SH3GL3: variants seen among roughly 807,000 people sequenced by gnomAD.
SH3GL3 encodes SH3 domain containing GRB2 like 3, endophilin A3, also known as endophilin-A3.
SH3GL3 carries 33 observed loss-of-function variants against 47.7 expected under a neutral mutation model. The ratio of observed to expected loss-of-function variants is 0.69; its 90% CI spans 0.52 to 0.92. The LOEUF (loss-of-function observed/expected upper bound fraction) is 0.92. Among genes scored for constraint, SH3GL3 ranks in the 40% least tolerant of loss-of-function variants. The probability of loss-of-function intolerance (pLI) is 0.00; values close to 1 mark genes in which losing one functional copy is unlikely to be tolerated. For synonymous variants in SH3GL3, 155 were observed against 148.8 expected (o/e 1.04, Z -0.30); for missense variants, 363 against 417.8 (o/e 0.87, Z 1.14).
At chr15:83,499,395 CAAAAA>C (rs11374002) in intron 1 of SH3GL3, among the ~76,000 whole-genome samples, 1 of 122,068 alleles carries the variant, frequency 8.2e-6, no homozygotes. Flanking sequence ...GACTCCATCT[CAAAAA>C]AAAAAAAAAA....
intron 1 of SH3GL3, among the ~76,000 whole-genome samples, chr15:83,458,048 T>C (rs948529748): frequency 7.9e-5 from 12 of 152,194 alleles, no homozygotes; most frequent in Non-Finnish European, 1.8e-4. Context: ...ATCTCATGTG[T>C]ATTTGGGGAA....
At chr15:83,599,987 T>G (rs1460181604) in intron 8 of SH3GL3, among the ~76,000 whole-genome samples, 2 of 152,242 alleles carry the variant, frequency 1.3e-5, no homozygotes, top group Non-Finnish European at 2.9e-5. Context: ...TTTGTATATC[T>G]TCTTTTGAGA....
chr15:83,456,588 C>A (rs377573087), intron 1 of SH3GL3, among the ~76,000 whole-genome samples: 1,263 of 120,600 alleles, frequency 0.01, 26 homozygotes, highest in African/African-American at 0.038. Context: ...GCGTCCGTCA[C>A]CCCTTTCTTT....
chr15:83,512,621 AGTG>A (rs1439934227), intron 1 of SH3GL3, among the ~76,000 whole-genome samples: 1 of 152,132 alleles, frequency 6.6e-6, no homozygotes, highest in Non-Finnish European at 1.5e-5. Flanking sequence ...AAGGCGCCAG[AGTG>A]GTGGTAGGGC....
intron 1 of SH3GL3, among the ~76,000 whole-genome samples, chr15:83,514,808 G>T (rs1373322308): frequency 6.6e-6 from 1 of 152,126 alleles, no homozygotes; most frequent in Non-Finnish European, 1.5e-5. Context: ...ATTCGCAGCT[G>T]TCATAGGTCA....
chr15:83,626,528 C>G, the SH3GL3 span, among the ~76,000 whole-genome samples: 1 of 152,170 alleles, frequency 6.6e-6, no homozygotes, highest in African/African-American at 2.4e-5. Context: ...GTCACATTTT[C>G]CAGTATTGGC....
chr15:83,479,499 A>G (rs938373362), intron 1 of SH3GL3, among the ~76,000 whole-genome samples: 1 of 152,082 alleles, frequency 6.6e-6, no homozygotes, highest in Admixed American at 6.5e-5. Flanking sequence ...CTTCCTAGGG[A>G]ACTCTCACAG....
chr15:83,530,231 G>C (rs773052990), intron 1 of SH3GL3, among the ~76,000 whole-genome samples: 10 of 152,016 alleles, frequency 6.6e-5, no homozygotes, highest in Non-Finnish European at 1.2e-4. Context: ...TCTCTTTCTG[G>C]AGCAAGGCCT....
intron 8 of SH3GL3, among the ~76,000 whole-genome samples, chr15:83,591,971 C>G (rs2060118429): frequency 1.3e-5 from 2 of 152,128 alleles, no homozygotes; most frequent in African/African-American, 2.4e-5. Flanking sequence ...CCAGGCCGGG[C>G]CATGTGTATA....
intron 1 of SH3GL3, among the ~76,000 whole-genome samples, chr15:83,536,180 A>G (rs1429456569): frequency 6.6e-6 from 1 of 152,196 alleles, no homozygotes; most frequent in Admixed American, 6.5e-5. Context: ...CCATTTTCCC[A>G]GAGTGGGTCC....
chr15:83,460,881 G>T (rs759213118), intron 1 of SH3GL3, among the ~76,000 whole-genome samples: 5 of 152,010 alleles, frequency 3.3e-5, no homozygotes, highest in African/African-American at 1.2e-4. Flanking sequence ...TCAGGAGATC[G>T]AGACCAGCCA....
intron 6 of SH3GL3, 71 bp from the exon 7 acceptor site, chr15:83,586,912 C>A: frequency 1.4e-6 from 1 of 734,960 alleles, no homozygotes; most frequent in Non-Finnish European, 2.3e-6. Context: ...GTCTTTGCTG[C>A]TGGTCTCCTC....
intron 8 of SH3GL3, among the ~76,000 whole-genome samples, chr15:83,595,552 T>A (rs2060215551): frequency 6.6e-6 from 1 of 150,440 alleles, no homozygotes; most frequent in Admixed American, 6.6e-5. Flanking sequence ...GATTAATCAC[T>A]GCTGATATTG....
chr15:83,520,101 GGGT>G (rs1314101498), intron 1 of SH3GL3, among the ~76,000 whole-genome samples: 2 of 152,176 alleles, frequency 1.3e-5, no homozygotes, highest in African/African-American at 2.4e-5. Flanking sequence ...AATGTGTAGA[GGGT>G]CAGGTGACTT....
intron 5 of SH3GL3, among the ~76,000 whole-genome samples, chr15:83,573,697 C>T (rs2151773273): frequency 6.6e-6 from 1 of 152,194 alleles, no homozygotes; most frequent in East Asian, 1.9e-4. Context: ...CTTGAGGTGG[C>T]TCCATATTCC....
At chr15:83,587,822 A>G (rs1293068123) in intron 7 of SH3GL3, among the ~76,000 whole-genome samples, 1 of 152,216 alleles carries the variant, frequency 6.6e-6, no homozygotes, top group East Asian at 1.9e-4. Flanking sequence ...ATTAGGTTTG[A>G]TAACAGAAAA....
chr15:83,453,748 CA>C (rs2039892431), intron 1 of SH3GL3, among the ~76,000 whole-genome samples: 1 of 32,050 alleles, frequency 3.1e-5, no homozygotes, highest in Non-Finnish European at 5.8e-5. Context: ...TTGATCCTTT[CA>C]AAAAACCAGC....
intron 8 of SH3GL3, among the ~76,000 whole-genome samples, chr15:83,603,913 T>A (rs1044417733): frequency 3.9e-5 from 6 of 152,152 alleles, no homozygotes; most frequent in African/African-American, 1.4e-4. Flanking sequence ...GGCGGGTGGA[T>A]CACCTGAGTT....
chr15:83,481,907 G>C (rs1389257524), intron 1 of SH3GL3, among the ~76,000 whole-genome samples: 2 of 152,164 alleles, frequency 1.3e-5, no homozygotes. Flanking sequence ...ATCTGTTGTG[G>C]GAAGGAGTCA....
Sources: gnomAD v4.1 joint callset for allele counts (sites outside exome capture counted in the v4.1 genomes callset) on GRCh38, gnomAD v4.1.1 for gene constraint, MANE v1.5 for transcripts, NCBI Gene and HGNC (gene_info 2026-07-23, HGNC 2026-07-21) for gene names.